The following NEK7 variants were observed in gnomAD, a reference collection of about 807,000 sequenced individuals.
NEK7 encodes the protein NIMA related kinase 7.
NEK7 carries 18 observed loss-of-function variants against 44.6 expected under a neutral mutation model. The observed-to-expected ratio is 0.40, with a 90% CI of 0.28 to 0.60. The LOEUF (loss-of-function observed/expected upper bound fraction) is 0.60. Among genes scored for constraint, NEK7 ranks in the 20% least tolerant of loss-of-function variants. The pLI, the probability that NEK7 is intolerant of heterozygous loss-of-function variation, is 0.38. For missense variants in NEK7, 256 were observed against 366.5 expected (o/e 0.70, Z 2.46); for synonymous variants, 130 against 121.1 (o/e 1.07, Z -0.48).
intron 3 of NEK7, chr1:198,256,490 G>A (rs1653269583): frequency 6.3e-7 from 1 of 1,585,206 alleles, no homozygotes. Flanking sequence ...AAAAAAATAA[G>A]ATGGTACCTT....
At chr1:198,228,885 C>T (rs1428370527) in intron 1 of NEK7, among the ~76,000 whole-genome samples, 4 of 152,124 alleles carry the variant, frequency 2.6e-5, no homozygotes, top group Non-Finnish European at 5.9e-5. Context: ...ATTGCCCTGG[C>T]CAGAACTTCT....
intron 1 of NEK7, among the ~76,000 whole-genome samples, chr1:198,223,991 T>C (rs1217778984): frequency 1.3e-5 from 2 of 152,180 alleles, no homozygotes; most frequent in African/African-American, 4.8e-5. Flanking sequence ...TTGAAATAAT[T>C]TGAGTCTGCA....
intron 2 of NEK7, among the ~76,000 whole-genome samples, chr1:198,236,989 C>T (rs1028888062): frequency 6.6e-6 from 1 of 152,176 alleles, no homozygotes; most frequent in East Asian, 1.9e-4. Context: ...ACTGTGCCAC[C>T]TAAGCTGCTC....
At chr1:198,311,308 A>T (rs188511100) in intron 9 of NEK7, among the ~76,000 whole-genome samples, 1 of 152,040 alleles carries the variant, frequency 6.6e-6, no homozygotes, top group African/African-American at 2.4e-5. Context: ...GACTTTGCTA[A>T]GTTGCTTATC....
At chr1:198,277,739 C>T (rs904861055) in intron 5 of NEK7, 1 of 406,978 alleles carries the variant, frequency 2.5e-6, no homozygotes, top group Non-Finnish European at 4.4e-6. Flanking sequence ...CAAAAAGGTA[C>T]TGTTACACAG....
At chr1:198,256,727 A>T (rs1400276290) in intron 3 of NEK7, among the ~76,000 whole-genome samples, 1 of 152,146 alleles carries the variant, frequency 6.6e-6, no homozygotes, top group African/African-American at 2.4e-5. Flanking sequence ...CTCTAACATA[A>T]TGAGATAGGC....
intron 1 of NEK7, chr1:198,198,080 A>G (rs571390658): frequency 2.9e-5 from 42 of 1,438,512 alleles, no homozygotes; most frequent in Non-Finnish European, 3.7e-5. Context: ...GCCTTGGGGA[A>G]AGGGTGGATT....
Position 198,297,260 on chromosome 1 carries a change from C to T in NEK7, c.798+20C>T. On this transcript the variant is annotated intron_variant, in intron 9 of 9. Coordinates refer to ENST00000367385, the MANE Select transcript of NEK7 (RefSeq NM_133494.3). ...GAAGAAGTAAGTCATTTTCAGCCCA[C>T]ATGTTCTTCTGTTGTCCATTTTGCT... 6.2e-7 allele frequency: 1 copy of T among 1,610,042 alleles called. No homozygotes were observed. The highest frequency in any genetic ancestry group is 1.1e-5 in the South Asian group (1 of 90,118).
chr1:198,230,195 T>C (rs1033108755), intron 1 of NEK7, among the ~76,000 whole-genome samples: 2 of 152,172 alleles, frequency 1.3e-5, no homozygotes, highest in Admixed American at 6.6e-5. Flanking sequence ...CTTGTGAAAC[T>C]GTCTGTGGGA....
chr1:198,307,161 A>G (rs923255709), intron 9 of NEK7, among the ~76,000 whole-genome samples: 7 of 152,140 alleles, frequency 4.6e-5, no homozygotes, highest in Non-Finnish European at 1.0e-4. Flanking sequence ...GAAACATAGT[A>G]AGCAAATTAG....
At chr1:198,183,619 C>T (rs546369744) in intron 1 of NEK7, among the ~76,000 whole-genome samples, 1 of 152,216 alleles carries the variant, frequency 6.6e-6, no homozygotes, top group South Asian at 2.1e-4. Context: ...GTTGATACAA[C>T]AAATGTTCAA....
chr1:198,197,267 T>G (rs547459775), intron 1 of NEK7, among the ~76,000 whole-genome samples: 1 of 152,352 alleles, frequency 6.6e-6, no homozygotes, highest in Non-Finnish European at 1.5e-5. Context: ...TAATAAAGAA[T>G]AGTTTTTGAC....
At chr1:198,256,542 T>A in intron 3 of NEK7, 2 of 1,481,052 alleles carry the variant, frequency 1.4e-6, no homozygotes, top group South Asian at 2.8e-5. Flanking sequence ...CCAACTTTGC[T>A]TTTCTTTCTC....
chr1:198,205,477 C>CA, intron 1 of NEK7, among the ~76,000 whole-genome samples: 1 of 151,996 alleles, frequency 6.6e-6, no homozygotes, highest in Non-Finnish European at 1.5e-5. Context: ...ATATTTAAAA[C>CA]AAAAAAAGCT....
rs563264111 is a variant in NEK7 at position 198,239,472 on chromosome 1, A to G, written c.57+6835A>G. Among the ~76,000 whole-genome samples, 4 of 152,296 alleles carry G rather than the reference A, an allele frequency of 2.6e-5. No homozygotes were observed. In the South Asian group the frequency reaches 8.3e-4, roughly 32 times the overall value. The stretch of plus-strand genomic sequence containing the variant: ...AACATACAGAATCATTACAATATAT[A>G]TTGCCTATAAAAGTGGTTTTATGAC... On this transcript the variant is annotated intron_variant, in intron 2 of 9. Transcript: ENST00000367385.
At chr1:198,190,839 T>C (rs1024780803) in intron 1 of NEK7, among the ~76,000 whole-genome samples, 2 of 152,082 alleles carry the variant, frequency 1.3e-5, no homozygotes, top group African/African-American at 4.8e-5. Context: ...ATAATCTTCT[T>C]AGAATCTTGG....
chr1:198,192,771 C>CAG (rs1448907844), intron 1 of NEK7, among the ~76,000 whole-genome samples: 1 of 151,938 alleles, frequency 6.6e-6, no homozygotes, highest in Non-Finnish European at 1.5e-5. Flanking sequence ...CTAATGAGAA[C>CAG]AGAGACAACA....
chr1:198,163,656 T>C (rs1165463135), intron 1 of NEK7, among the ~76,000 whole-genome samples: 1 of 152,234 alleles, frequency 6.6e-6, no homozygotes, highest in Non-Finnish European at 1.5e-5. Context: ...AAAGGTCTTA[T>C]ATAAGAAGAT....
intron 1 of NEK7, among the ~76,000 whole-genome samples, chr1:198,181,536 A>G (rs978072277): frequency 2.0e-5 from 3 of 152,128 alleles, no homozygotes; most frequent in African/African-American, 7.2e-5. Flanking sequence ...AGACTCAGAG[A>G]TTGATTACAC....
Sources: gnomAD v4.1 joint callset for allele counts (sites outside exome capture counted in the v4.1 genomes callset) on GRCh38, gnomAD v4.1.1 for gene constraint, MANE v1.5 for transcripts, NCBI Gene and HGNC (gene_info 2026-07-23, HGNC 2026-07-21) for gene names.